NKAIN2: variants seen among roughly 807,000 people sequenced by gnomAD.
The protein encoded by NKAIN2 is sodium/potassium transporting ATPase interacting 2, also known as sodium/potassium-transporting ATPase subunit beta-1-interacting protein 2.
A neutral mutation model predicts 32.6 loss-of-function variants in NKAIN2; 14 were observed. The observed-to-expected ratio is 0.43, with a 90% CI of 0.28 to 0.67. The LOEUF (loss-of-function observed/expected upper bound fraction) is 0.67. Ranked by LOEUF, NKAIN2 falls within the 30% of genes least tolerant of loss-of-function variation. NKAIN2 has a pLI of 0.17. For synonymous variants in NKAIN2, 80 were observed against 87.2 expected (o/e 0.92, Z 0.46); for missense variants, 198 against 258.3 (o/e 0.77, Z 1.60).
At chr6:124,244,592 A>T (rs1793293882) in intron 1 of NKAIN2, among the ~76,000 whole-genome samples, 2 of 152,026 alleles carry the variant, frequency 1.3e-5, no homozygotes, top group Admixed American at 6.6e-5. Context: ...AATAATAGAC[A>T]TTACTCAACT....
chr6:124,823,724 A>T lies in NKAIN2; in HGVS notation c.*495A>T, dbSNP rs1781484186. 1 of 158,302 alleles carries T rather than the reference A, an allele frequency of 6.3e-6. No homozygotes were observed. Among genetic ancestry groups the T allele is most frequent in the Admixed American group, 6.1e-5 (1 of 16,444 alleles). 9.8% of individuals were successfully genotyped at this position (158,302 alleles called of 1,614,324 possible). A position where few individuals can be genotyped will look rare whatever the true frequency, so the allele number is the denominator to read the frequency against. On this transcript the variant is annotated 3_prime_UTR_variant, in exon 7 of 7. Coordinates refer to ENST00000368417, the MANE Select transcript of NKAIN2 (RefSeq NM_001040214.3). ...AAAACAAACGAAACATGCCATGATG[A>T]CCTTGTACCCGAAGTCCGAAATGGC...
At chr6:124,734,383 G>A (rs870583) in intron 4 of NKAIN2, among the ~76,000 whole-genome samples, 18,842 of 151,596 alleles carry the variant, frequency 0.12, 1,521 homozygotes, top group East Asian at 0.35. Flanking sequence ...ACTGTATTTT[G>A]CAAAGTGACC....
intron 3 of NKAIN2, among the ~76,000 whole-genome samples, chr6:124,632,934 C>T (rs1482019891): frequency 6.6e-6 from 1 of 152,118 alleles, no homozygotes; most frequent in Non-Finnish European, 1.5e-5. Flanking sequence ...TTAATTTTGG[C>T]TTAGAATTGG....
intron 5 of NKAIN2, among the ~76,000 whole-genome samples, chr6:124,800,340 C>G (rs1470759269): frequency 6.6e-6 from 1 of 152,132 alleles, no homozygotes; most frequent in African/African-American, 2.4e-5. Context: ...CTGAGCAAAG[C>G]AGCCTACACC....
chr6:124,229,524 A>G (rs1006839970), intron 1 of NKAIN2, among the ~76,000 whole-genome samples: 45 of 149,700 alleles, frequency 3.0e-4, no homozygotes, highest in Non-Finnish European at 5.2e-4. Context: ...AGATAGATAG[A>G]TAGATAGATA....
intron 1 of NKAIN2, among the ~76,000 whole-genome samples, chr6:124,124,291 C>T (rs1786041766): frequency 6.6e-6 from 1 of 152,086 alleles, no homozygotes; most frequent in Non-Finnish European, 1.5e-5. Flanking sequence ...TTCTTGATTT[C>T]CAGTAGCTAC....
chr6:124,312,702 G>A (rs1796773918), intron 2 of NKAIN2, among the ~76,000 whole-genome samples: 2 of 152,074 alleles, frequency 1.3e-5, no homozygotes, highest in African/African-American at 4.8e-5. Flanking sequence ...GGCTAGTTAC[G>A]ATTGAAGCAA....
At chr6:123,890,832 T>A (rs1444922692) in intron 1 of NKAIN2, among the ~76,000 whole-genome samples, 1 of 152,120 alleles carries the variant, frequency 6.6e-6, no homozygotes, top group Admixed American at 6.6e-5. Context: ...CCCTTCTAGA[T>A]ATATACTTAT....
At chr6:124,527,859 A>T (rs986120379) in intron 3 of NKAIN2, among the ~76,000 whole-genome samples, 1 of 152,192 alleles carries the variant, frequency 6.6e-6, no homozygotes, top group Admixed American at 6.5e-5. Context: ...TTGAAAAGGC[A>T]TTCTAGAAAG....
chr6:124,378,169 C>G (rs79026710), intron 3 of NKAIN2, among the ~76,000 whole-genome samples: 14,172 of 152,090 alleles, frequency 0.093, 741 homozygotes, highest in African/African-American at 0.15. Context: ...CACTTCAGCC[C>G]AATGCACTTT....
At chr6:124,773,118 G>T (rs1778834456) in intron 4 of NKAIN2, among the ~76,000 whole-genome samples, 1 of 152,208 alleles carries the variant, frequency 6.6e-6, no homozygotes, top group Admixed American at 6.5e-5. Flanking sequence ...GCCAAATAAA[G>T]TCAAGTCTGA....
intron 3 of NKAIN2, among the ~76,000 whole-genome samples, chr6:124,627,664 C>T (rs1365335312): frequency 3.3e-5 from 5 of 152,250 alleles, no homozygotes; most frequent in South Asian, 4.1e-4. Context: ...GCTTCCTTGA[C>T]GGTGTTAACT....
chr6:124,672,999 T>A (rs1773178884), intron 4 of NKAIN2, among the ~76,000 whole-genome samples: 3 of 152,090 alleles, frequency 2.0e-5, no homozygotes. Context: ...ACTTTACATC[T>A]TGCATGGCTG....
intron 4 of NKAIN2, among the ~76,000 whole-genome samples, chr6:124,735,403 G>C (rs899538389): frequency 6.6e-6 from 1 of 151,900 alleles, no homozygotes; most frequent in African/African-American, 2.4e-5. Context: ...AAGATTTTGA[G>C]CACAGAATAA....
chr6:124,421,880 G>A (rs776984102), intron 3 of NKAIN2, among the ~76,000 whole-genome samples: 1 of 152,134 alleles, frequency 6.6e-6, no homozygotes, highest in Non-Finnish European at 1.5e-5. Flanking sequence ...TAGGAAGAAA[G>A]GGAGAGGTCA....
At chr6:124,648,062 C>G (rs1446394464) in intron 3 of NKAIN2, among the ~76,000 whole-genome samples, 1 of 152,142 alleles carries the variant, frequency 6.6e-6, no homozygotes, top group African/African-American at 2.4e-5. Flanking sequence ...GTAAAACAAA[C>G]AAAGAACACT....
At chr6:124,712,673 G>A (rs952356448) in intron 4 of NKAIN2, among the ~76,000 whole-genome samples, 152 of 151,658 alleles carry the variant, frequency 1.0e-3, no homozygotes, top group African/African-American at 3.5e-3. Context: ...GCCCTGCTTC[G>A]GCTCGTGCAC....
intron 1 of NKAIN2, among the ~76,000 whole-genome samples, chr6:123,856,409 C>T (rs1291312720): frequency 1.3e-5 from 2 of 152,100 alleles, no homozygotes; most frequent in South Asian, 4.1e-4. Flanking sequence ...TTTTAGTGAA[C>T]AGTAGTTAAT....
chr6:124,102,527 G>A (rs978401839), intron 1 of NKAIN2, among the ~76,000 whole-genome samples: 3 of 152,130 alleles, frequency 2.0e-5, no homozygotes, highest in African/African-American at 4.8e-5. Context: ...AGAAGGTTGC[G>A]ATAACAGTAC....
Sources: gnomAD v4.1 joint callset for allele counts (sites outside exome capture counted in the v4.1 genomes callset) on GRCh38, gnomAD v4.1.1 for gene constraint, MANE v1.5 for transcripts, NCBI Gene and HGNC (gene_info 2026-07-23, HGNC 2026-07-21) for gene names.